Variants in GALNT13 observed in about 807,000 individuals in gnomAD.
GALNT13 encodes UDP-GalNAc:polypeptide N-acetylgalactosaminyltransferase 13.
GALNT13 carries 28 observed loss-of-function variants against 64.2 expected under a neutral mutation model. The observed-to-expected ratio is 0.44, with a 90% confidence interval of 0.32 to 0.60. The LOEUF is 0.60. Among genes scored for constraint, GALNT13 ranks in the 20% least tolerant of loss-of-function variants. GALNT13 has a pLI of 0.05. For missense variants in GALNT13, 577 were observed against 669.8 expected, an observed-to-expected ratio of 0.86 and a Z score of 1.53; for synonymous variants, 214 against 224.6, an observed-to-expected ratio of 0.95 and a Z score of 0.42.
intron 2 of GALNT13, among the ~76,000 whole-genome samples, chr2:153,907,408 AC>A (rs1202316341): frequency 6.6e-6 from 1 of 151,746 alleles, no homozygotes; most frequent in African/African-American, 2.4e-5. Flanking sequence ...CACTTTTTTA[AC>A]TTTTATTTTA....
chr2:153,523,571 G>C, the GALNT13 span, among the ~76,000 whole-genome samples: 1 of 152,102 alleles, frequency 6.6e-6, no homozygotes, highest in Admixed American at 6.5e-5. Context: ...TTATTTGAGT[G>C]CTAATGTAAG....
chr2:154,330,307 G>A (rs180849734), intron 9 of GALNT13, among the ~76,000 whole-genome samples: 37 of 152,192 alleles, frequency 2.4e-4, no homozygotes, highest in East Asian at 1.2e-3. Context: ...AAATCCATTC[G>A]TTAGTATAAC....
At chr2:153,628,770 G>A in the GALNT13 span, among the ~76,000 whole-genome samples, 1 of 152,072 alleles carries the variant, frequency 6.6e-6, no homozygotes, top group African/African-American at 2.4e-5. Flanking sequence ...GAGGATTTTT[G>A]CATCAATGTT....
At chr2:154,390,449 A>G (rs1698733946) in intron 9 of GALNT13, among the ~76,000 whole-genome samples, 1 of 152,146 alleles carries the variant, frequency 6.6e-6, no homozygotes, top group Non-Finnish European at 1.5e-5. Context: ...CTCATGAGTT[A>G]ACTCCCACTT....
the GALNT13 span, among the ~76,000 whole-genome samples, chr2:153,595,164 TAATA>T: frequency 2.6e-5 from 4 of 151,948 alleles, no homozygotes; most frequent in African/African-American, 4.8e-5. Flanking sequence ...TTAGAGTTGG[TAATA>T]AATAAAGGTT....
At chr2:153,829,374 T>A in the GALNT13 span, among the ~76,000 whole-genome samples, 28 of 152,068 alleles carry the variant, frequency 1.8e-4, no homozygotes, top group Admixed American at 1.8e-3. Flanking sequence ...CTGACAATCA[T>A]GGCAGAAGGC....
intron 3 of GALNT13, among the ~76,000 whole-genome samples, chr2:154,036,979 A>G (rs1698696196): frequency 6.6e-6 from 1 of 152,200 alleles, no homozygotes; most frequent in Non-Finnish European, 1.5e-5. Context: ...AACAAAAATA[A>G]AAGTGCCTAA....
chr2:153,167,198 A>G, the GALNT13 span, among the ~76,000 whole-genome samples: 9,854 of 152,314 alleles, frequency 0.065, 437 homozygotes, highest in Middle Eastern at 0.1. Context: ...CTTGGAGCAA[A>G]TGATACTTCC....
the GALNT13 span, among the ~76,000 whole-genome samples, chr2:153,594,720 G>A: frequency 1.3e-5 from 2 of 151,942 alleles, no homozygotes; most frequent in Non-Finnish European, 2.9e-5. Context: ...TTACTCAAGC[G>A]GGTCCCCTGA....
chr2:154,446,053 A>G (rs1701554667), intron 12 of GALNT13, among the ~76,000 whole-genome samples: 1 of 152,090 alleles, frequency 6.6e-6, no homozygotes, highest in Admixed American at 6.6e-5. Flanking sequence ...AACACAACCC[A>G]GGTTAGCCTT....
chr2:154,336,691 T>C (rs1454017888), intron 9 of GALNT13, among the ~76,000 whole-genome samples: 1 of 152,126 alleles, frequency 6.6e-6, no homozygotes, highest in Non-Finnish European at 1.5e-5. Context: ...AAATTTATTT[T>C]CTTAGTAAAA....
the GALNT13 span, among the ~76,000 whole-genome samples, chr2:153,650,670 A>T: frequency 6.6e-6 from 1 of 152,076 alleles, no homozygotes. Flanking sequence ...GTGGTGACAA[A>T]ATCTCAGCAT....
the GALNT13 span, among the ~76,000 whole-genome samples, chr2:153,540,320 G>GTC: frequency 6.6e-6 from 1 of 152,222 alleles, no homozygotes. Context: ...GACAAGAGTT[G>GTC]ATGTTTGGAA....
chr2:154,363,917 A>G (rs1697218379), intron 9 of GALNT13, among the ~76,000 whole-genome samples: 1 of 152,210 alleles, frequency 6.6e-6, no homozygotes, highest in African/African-American at 2.4e-5. Flanking sequence ...AGATGAAACT[A>G]TCTAGGGGGT....
chr2:153,656,345 C>T, the GALNT13 span, among the ~76,000 whole-genome samples: 30 of 103,996 alleles, frequency 2.9e-4, no homozygotes, highest in East Asian at 1.7e-3. Context: ...TGTGTGCGCG[C>T]GCACATATGT....
the GALNT13 span, among the ~76,000 whole-genome samples, chr2:153,368,225 C>G: frequency 6.6e-6 from 1 of 151,946 alleles, no homozygotes; most frequent in Admixed American, 6.6e-5. Flanking sequence ...GAGGTGGGGC[C>G]TTTGGGAGGT....
intron 1 of GALNT13, among the ~76,000 whole-genome samples, chr2:153,892,372 C>T (rs1467121249): frequency 1.3e-5 from 2 of 152,104 alleles, no homozygotes; most frequent in African/African-American, 4.8e-5. Context: ...AAAATATTAA[C>T]ATAATCTCTT....
the GALNT13 span, among the ~76,000 whole-genome samples, chr2:153,172,855 A>G: frequency 6.6e-6 from 1 of 152,240 alleles, no homozygotes; most frequent in South Asian, 2.1e-4. Context: ...ATGATCTAAA[A>G]CAAACATTAT....
the GALNT13 span, among the ~76,000 whole-genome samples, chr2:153,631,238 C>G: frequency 6.6e-6 from 1 of 152,050 alleles, no homozygotes; most frequent in Non-Finnish European, 1.5e-5. Context: ...GGTTCCAAGT[C>G]TTTGCTATTG....
Sources: gnomAD v4.1 joint callset for allele counts (sites outside exome capture counted in the v4.1 genomes callset) on GRCh38, gnomAD v4.1.1 for gene constraint, MANE v1.5 for transcripts, NCBI Gene and HGNC (gene_info 2026-07-23, HGNC 2026-07-21) for gene names.